TYW1: variants seen among roughly 807,000 people sequenced by gnomAD.
TYW1 encodes the protein tRNA-yW synthesizing protein 1 homolog, also known as S-adenosyl-L-methionine-dependent tRNA 4-demethylwyosine synthase TYW1.
TYW1 carries 46 observed loss-of-function variants against 96.2 expected under a neutral mutation model. That is an observed-to-expected ratio of 0.48 (90% CI 0.38 to 0.61). The LOEUF (loss-of-function observed/expected upper bound fraction) is 0.61. Among genes scored for constraint, TYW1 ranks in the 20% least tolerant of loss-of-function variants. The probability of loss-of-function intolerance (pLI) is 0.00; values close to 1 mark genes in which losing one functional copy is unlikely to be tolerated. For missense variants in TYW1, 684 were observed against 909.6 expected, an observed-to-expected ratio of 0.75 and a Z score of 3.19; for synonymous variants, 274 against 323.0, an observed-to-expected ratio of 0.85 and a Z score of 1.63.
At chr7:67,085,736 A>T (rs560887315) in intron 11 of TYW1, among the ~76,000 whole-genome samples, 2 of 152,244 alleles carry the variant, frequency 1.3e-5, no homozygotes, top group South Asian at 4.2e-4. Flanking sequence ...TGAGAGGCTG[A>T]GGTAGGCGGA....
intron 3 of TYW1, among the ~76,000 whole-genome samples, chr7:67,005,934 TC>T (rs1159664390): frequency 6.6e-6 from 1 of 152,160 alleles, no homozygotes; most frequent in African/African-American, 2.4e-5. Context: ...AGTTCACTGT[TC>T]CTGCCGCCTG....
At position 67,117,648 on chromosome 7, in the gene TYW1, A is replaced by C. The variant is rs760120516; in HGVS notation, c.1698+30A>C. ...GAATTATGACATCTTAAAAATAAAT[A>C]AACAACCCTCAGGTGTGTACTGAAG... On this transcript the variant is annotated intron_variant, in intron 13 of 15. Coordinates refer to ENST00000359626, the MANE Select transcript of TYW1 (RefSeq NM_018264.4). 4 of 1,593,048 alleles carry C rather than the reference A, an allele frequency of 2.5e-6. No individual in the cohort carries two copies. In the African/African-American group the frequency reaches 4.1e-5, roughly 16 times the overall value.
rs1369614759 is a variant in TYW1 at position 67,180,105 on chromosome 7, G to A, written c.1699-3021G>A. Among the ~76,000 whole-genome samples the A allele has an allele frequency of 2.3e-5, 3 of 131,644 alleles. 1 individual carries two copies. Among genetic ancestry groups the A allele is most frequent in the Admixed American group, 7.6e-5 (1 of 13,088 alleles). 86.4% of individuals were successfully genotyped at this position (131,644 alleles called of 152,430 possible). A position where few individuals can be genotyped will look rare whatever the true frequency, so the allele number is the denominator to read the frequency against. On this transcript the variant is annotated intron_variant, in intron 13 of 15. Transcript: ENST00000359626. Reference sequence around the variant, plus strand: ...GTCTTCCAATGTGCTGAGATTACAGGCGTGAGCCAGTGCACCCAGCTGAAA... The same window carrying A: ...GTCTTCCAATGTGCTGAGATTACAGACGTGAGCCAGTGCACCCAGCTGAAA...
chr7:67,055,952 A>G (rs1795502149), intron 9 of TYW1, 65 bp downstream of exon 9: 1 of 1,193,988 alleles, frequency 8.4e-7, no homozygotes. Context: ...ATTATTATAC[A>G]CTGTCTATAA....
At chr7:67,191,933 T>C (rs1800230991) in intron 14 of TYW1, among the ~76,000 whole-genome samples, 1 of 151,388 alleles carries the variant, frequency 6.6e-6, no homozygotes. Context: ...TGTTGCTCTG[T>C]TGCCCAGGCT....
At chr7:67,191,152 G>A (rs539044954) in intron 14 of TYW1, among the ~76,000 whole-genome samples, 3 of 152,240 alleles carry the variant, frequency 2.0e-5, no homozygotes, top group Admixed American at 6.5e-5. Flanking sequence ...AGAGACAGAC[G>A]GACGGACAGA....
chr7:67,002,969 G>C (rs1316738983), intron 3 of TYW1, among the ~76,000 whole-genome samples: 2 of 150,798 alleles, frequency 1.3e-5, no homozygotes, highest in South Asian at 2.1e-4. Flanking sequence ...CGGGGTTTCT[G>C]CATGTTGGCC....
chr7:67,024,685 G>A (rs1391793176), intron 6 of TYW1, among the ~76,000 whole-genome samples: 1 of 152,000 alleles, frequency 6.6e-6, no homozygotes, highest in African/African-American at 2.4e-5. Flanking sequence ...GGAGGCTGAG[G>A]CAGGAGAATG....
chr7:67,013,199 T>C (rs920275774), intron 4 of TYW1, among the ~76,000 whole-genome samples: 3 of 151,894 alleles, frequency 2.0e-5, no homozygotes, highest in African/African-American at 7.3e-5. Context: ...GGTGGCCCAC[T>C]GCAGCCTCTG....
intron 15 of TYW1, among the ~76,000 whole-genome samples, chr7:67,220,841 G>T (rs1474192296): frequency 6.6e-6 from 1 of 151,346 alleles, no homozygotes; most frequent in Non-Finnish European, 1.5e-5. Context: ...AGGTTCAAGC[G>T]ATTCTTCTGC....
intron 7 of TYW1, among the ~76,000 whole-genome samples, chr7:67,047,881 G>T (rs561022306): frequency 3.0e-4 from 44 of 145,714 alleles, no homozygotes; most frequent in Non-Finnish European, 6.0e-4. Flanking sequence ...TCCGCCTCCC[G>T]GGTTCAAGTG....
intron 10 of TYW1, among the ~76,000 whole-genome samples, chr7:67,079,171 G>GGTGT (rs55931505): frequency 1.2e-3 from 173 of 148,900 alleles, no homozygotes; most frequent in African/African-American, 3.7e-3. Flanking sequence ...TCGTGTGAGA[G>GGTGT]GTGTGTGTGT....
At chr7:67,059,570 T>A (rs1410679569) in intron 9 of TYW1, among the ~76,000 whole-genome samples, 3 of 149,308 alleles carry the variant, frequency 2.0e-5, no homozygotes, top group Non-Finnish European at 4.4e-5. Context: ...TATAAGGTCG[T>A]GGTAGCCTTT....
intron 5 of TYW1, 53 bp downstream of exon 5, chr7:67,014,614 C>G: frequency 1.3e-6 from 2 of 1,559,302 alleles, no homozygotes; most frequent in Non-Finnish European, 1.7e-6. Flanking sequence ...CACACACACA[C>G]GCACACACAC....
chr7:67,135,199 A>T (rs1421549857), intron 13 of TYW1, among the ~76,000 whole-genome samples: 1 of 138,490 alleles, frequency 7.2e-6, no homozygotes, highest in East Asian at 1.9e-4. Flanking sequence ...CTTCTAAAGT[A>T]TGATTTTTAG....
chr7:67,068,935 A>G (rs1795953863), intron 10 of TYW1, among the ~76,000 whole-genome samples: 2 of 152,154 alleles, frequency 1.3e-5, no homozygotes, highest in African/African-American at 4.8e-5. Context: ...AACCCACTGT[A>G]TCCATTTGCT....
At chr7:67,037,436 G>A (rs1194241163) in intron 7 of TYW1, among the ~76,000 whole-genome samples, 2 of 151,414 alleles carry the variant, frequency 1.3e-5, no homozygotes, top group African/African-American at 2.4e-5. Flanking sequence ...CCCAGAAGGC[G>A]GAGGTTGCAG....
At chr7:67,038,560 C>T (rs573965940) in intron 7 of TYW1, among the ~76,000 whole-genome samples, 53 of 150,292 alleles carry the variant, frequency 3.5e-4, no homozygotes, top group Non-Finnish European at 5.3e-4. Context: ...GAGCTATGAT[C>T]GCACCACTGC....
intron 12 of TYW1, among the ~76,000 whole-genome samples, chr7:67,113,935 G>A (rs1435866549): frequency 6.6e-6 from 1 of 152,078 alleles, no homozygotes; most frequent in African/African-American, 2.4e-5. Flanking sequence ...CACTGTGCCC[G>A]GCATGATGCT....
Sources: allele counts gnomAD v4.1 joint callset (sites outside exome capture counted in the v4.1 genomes callset), GRCh38; gene constraint gnomAD v4.1.1; transcripts MANE v1.5; gene names NCBI Gene and HGNC (gene_info 2026-07-23, HGNC 2026-07-21).